The following SLC4A8 variants were observed in gnomAD, a reference collection of about 807,000 sequenced individuals.
SLC4A8 encodes the protein electroneutral sodium bicarbonate exchanger 1.
In SLC4A8, 40 loss-of-function variants were observed where a neutral mutation model predicts 125.0. The observed-to-expected ratio is 0.32, with a 90% CI of 0.25 to 0.42. The LOEUF (loss-of-function observed/expected upper bound fraction) is 0.42, where lower values mean the gene tolerates loss of function less well. SLC4A8 is among the 10% of genes least tolerant of loss of function. The pLI is 1.00. For synonymous variants in SLC4A8, 456 were observed against 476.0 expected (o/e 0.96, Z 0.55); for missense variants, 863 against 1,355.1 (o/e 0.64, Z 5.70).
chr12:51,425,541 C>T (rs1948942539), intron 1 of SLC4A8: 1 of 543,664 alleles, frequency 1.8e-6, no homozygotes. Flanking sequence ...CGGTTTGTGA[C>T]TCCCTCTGCC....
chr12:51,503,983 T>C (rs1411457183), intron 22 of SLC4A8, 46 bp from the exon 23 acceptor site: 9 of 1,048,022 alleles, frequency 8.6e-6, no homozygotes, highest in African/African-American at 1.6e-5. Context: ...GGTGAACTTA[T>C]GGTCTTACTT....
rs766359571 is a variant in SLC4A8 at position 51,487,970 on chromosome 12, T to G, written c.2287-729T>G. On this transcript the variant is annotated intron_variant, in intron 17 of 24. Coordinates refer to ENST00000453097, the MANE Select transcript of SLC4A8 (RefSeq NM_001039960.3). ...TATTTGTCTTTAGAAGTCATTAAAT[T>G]TTTTTGACAACAGATACAGTTGTTA... Among the ~76,000 whole-genome samples, 25 of 152,344 alleles carry G rather than the reference T, an allele frequency of 1.6e-4. 1 individual carries two copies. Among genetic ancestry groups the G allele is most frequent in the Non-Finnish European group, 3.5e-4 (24 of 68,032 alleles).
At chr12:51,399,750 G>A (rs1198469107) in intron 1 of SLC4A8, among the ~76,000 whole-genome samples, 1 of 152,210 alleles carries the variant, frequency 6.6e-6, no homozygotes, top group African/African-American at 2.4e-5. Context: ...TTGGAAGGCT[G>A]AGGCAGGCAG....
upstream of SLC4A8, among the ~76,000 whole-genome samples, chr12:51,423,444 T>G (rs1948840337): frequency 6.6e-6 from 1 of 151,962 alleles, no homozygotes; most frequent in African/African-American, 2.4e-5. Flanking sequence ...GATGACAGGA[T>G]TAGTAAAGAG....
At position 51,451,118 on chromosome 12, in the gene SLC4A8, T is replaced by G. The variant is rs1949954072; in HGVS notation, c.277+96T>G. The stretch of plus-strand genomic sequence containing the variant: ...TGACATTAGCAGCTGGTCTTGATTC[T>G]TGAGCCTTTTTGTAGGATTTCCAAA... On this transcript the variant is annotated intron_variant, in intron 3 of 24. Transcript: ENST00000453097. 2.9e-6 allele frequency: 3 copies of G among 1,051,052 alleles called. No individual in the cohort carries two copies. In the South Asian group the frequency reaches 9.1e-5, roughly 32 times the overall value. 65.1% of individuals were successfully genotyped at this position (1,051,052 alleles called of 1,614,324 possible). A position where few individuals can be genotyped will look rare whatever the true frequency, so the allele number is the denominator to read the frequency against.
intron 16 of SLC4A8, chr12:51,480,525 T>C: frequency 1.0e-6 from 1 of 994,624 alleles, no homozygotes; most frequent in Non-Finnish European, 1.2e-6. Context: ...TGGATGTTCA[T>C]GTGAAAGATA....
intron 16 of SLC4A8, among the ~76,000 whole-genome samples, chr12:51,482,564 G>A (rs771021725): frequency 6.6e-6 from 1 of 152,188 alleles, no homozygotes; most frequent in Non-Finnish European, 1.5e-5. Flanking sequence ...ATTTTTAGTA[G>A]TGACAGAGTT....
In SLC4A8 at chr12:51,514,735, T is replaced by C. The variant is rs1388387416; in HGVS notation, c.*7297T>C. 6.6e-6 allele frequency: 1 copy of C among 152,202 alleles called. No homozygotes were observed. The highest frequency in any genetic ancestry group is 1.5e-5 in the Non-Finnish European group (1 of 68,038). 9.4% of individuals were successfully genotyped at this position (152,202 alleles called of 1,614,324 possible). ...GGTTCCCTTGGTCTCTTAATATTAA[T>C]TATAGAGAATGGGCAGTTGAGTCAG... On this transcript the variant is annotated 3_prime_UTR_variant, in exon 25 of 25. Coordinates refer to ENST00000453097, the MANE Select transcript of SLC4A8 (RefSeq NM_001039960.3).
intron 1 of SLC4A8, among the ~76,000 whole-genome samples, chr12:51,418,738 C>T (rs1440557543): frequency 6.6e-6 from 1 of 152,134 alleles, no homozygotes; most frequent in Admixed American, 6.5e-5. Flanking sequence ...TAATGTCTGA[C>T]TGGGTATCTT....
intron 1 of SLC4A8, among the ~76,000 whole-genome samples, chr12:51,413,702 CT>C (rs1948633995): frequency 6.6e-6 from 1 of 152,026 alleles, no homozygotes; most frequent in Non-Finnish European, 1.5e-5. Context: ...TTCTTCATGC[CT>C]TTGTTGAAAA....
At chr12:51,435,735 T>C (rs1487160113) in intron 1 of SLC4A8, among the ~76,000 whole-genome samples, 2 of 152,236 alleles carry the variant, frequency 1.3e-5, no homozygotes, top group Non-Finnish European at 2.9e-5. Flanking sequence ...CAAATTGTCC[T>C]ATTTTTTGGC....
chr12:51,464,187 T>C (rs1200889098), intron 11 of SLC4A8, among the ~76,000 whole-genome samples: 1 of 152,202 alleles, frequency 6.6e-6, no homozygotes. Context: ...TCTTTTCTGC[T>C]AGGCTGTTTA....
intron 1 of SLC4A8, among the ~76,000 whole-genome samples, chr12:51,409,010 G>A (rs909228410): frequency 6.8e-6 from 1 of 148,092 alleles, no homozygotes; most frequent in East Asian, 2.0e-4. Flanking sequence ...ATGAGTGAAA[G>A]GAGAATTAGC....
At chr12:51,482,425 G>A (rs1951054985) in intron 16 of SLC4A8, among the ~76,000 whole-genome samples, 2 of 152,010 alleles carry the variant, frequency 1.3e-5, no homozygotes, top group Admixed American at 6.6e-5. Flanking sequence ...TGTCGCCCAG[G>A]CTGAGTACAG....
Position 51,461,186 on chromosome 12 carries a change from C to T in SLC4A8, c.1014-18C>T. The stretch of plus-strand genomic sequence containing the variant: ...TTATATTTACTTACATAATTTCCTC[C>T]TCTGTGTGTTTTGCCAGATTTTTGT... On this transcript the variant is annotated intron_variant, in intron 8 of 24. Transcript: ENST00000453097. 2 of 1,430,086 alleles carry T rather than the reference C, an allele frequency of 1.4e-6. No individual in the cohort carries two copies. The highest frequency in any genetic ancestry group is 2.0e-6 in the Non-Finnish European group (2 of 1,014,024). 88.6% of individuals were successfully genotyped at this position (1,430,086 alleles called of 1,614,324 possible). A position where few individuals can be genotyped will look rare whatever the true frequency, so the allele number is the denominator to read the frequency against.
At chr12:51,402,015 C>T (rs987902277) in intron 1 of SLC4A8, among the ~76,000 whole-genome samples, 2 of 152,132 alleles carry the variant, frequency 1.3e-5, no homozygotes, top group Admixed American at 6.5e-5. Flanking sequence ...TGATCCTCCT[C>T]CTTCAGCCTC....
chr12:51,402,524 C>G (rs1009210194), intron 1 of SLC4A8, among the ~76,000 whole-genome samples: 1 of 152,070 alleles, frequency 6.6e-6, no homozygotes, highest in Non-Finnish European at 1.5e-5. Flanking sequence ...GAGTTTGGGA[C>G]CAGCCTGGCC....
At position 51,475,153 on chromosome 12, in the gene SLC4A8, A is replaced by T. The variant is rs200106666; in HGVS notation, c.2119A>T (p.Ile707Phe). ...CTGTATTCTCTTTTTCACCACCTTC[A>T]TCCTCTCAAGCACCTTAAAGACGTT... ...WSCILFFTTF[I>F]LSSTLKTFKT... Residue 707 changes from isoleucine (I) to phenylalanine (F), a missense_variant, in exon 16 of 25, where the codon ATC (isoleucine) becomes TTC (phenylalanine). Transcript: ENST00000453097. 1 of 1,614,020 alleles carries T rather than the reference A, an allele frequency of 6.2e-7. No homozygotes were observed. The highest frequency in any genetic ancestry group is 2.2e-5 in the East Asian group (1 of 44,880).
chr12:51,394,516 C>CTT (rs1294731265), intron 1 of SLC4A8, among the ~76,000 whole-genome samples: 3 of 152,174 alleles, frequency 2.0e-5, no homozygotes, highest in Non-Finnish European at 2.9e-5. Context: ...GTACAGGCAA[C>CTT]TTTCGAAAAA....
Sources: gnomAD v4.1 joint callset for allele counts (sites outside exome capture counted in the v4.1 genomes callset) on GRCh38, gnomAD v4.1.1 for gene constraint, MANE v1.5 for transcripts, NCBI Gene and HGNC (gene_info 2026-07-23, HGNC 2026-07-21) for gene names.